INPP4A: variants seen among roughly 807,000 people sequenced by gnomAD.
INPP4A encodes the protein inositol polyphosphate-4-phosphatase, type I, 107kD.
In INPP4A, 33 loss-of-function variants were observed where a neutral mutation model predicts 119.8. That is an observed-to-expected ratio of 0.28 (90% CI 0.21 to 0.37). INPP4A has a LOEUF of 0.37. Ranked by LOEUF, INPP4A falls within the 10% of genes least tolerant of loss-of-function variation. The probability of loss-of-function intolerance (pLI) is 1.00; values close to 1 mark genes in which losing one functional copy is unlikely to be tolerated. For missense variants in INPP4A, 956 were observed against 1,289.9 expected, an observed-to-expected ratio of 0.74 and a Z score of 3.97; for synonymous variants, 496 against 500.7, an observed-to-expected ratio of 0.99 and a Z score of 0.12.
rs1284881768 is a variant in INPP4A, at chr2:98,552,629, A to C, written c.1164-157A>C. On this transcript the variant is annotated intron_variant, in intron 13 of 24. Transcript: ENST00000409851. ...ATATAGACAGGAAGAATCTCCTAAG[A>C]TATACTTTGCTCATCAACAACTAGA... 4 of 751,212 alleles carry C rather than the reference A, an allele frequency of 5.3e-6. No homozygotes were observed. The South Asian group carries it at 5.7e-5, about 11-fold the overall frequency. 46.5% of individuals were successfully genotyped at this position (751,212 alleles called of 1,614,324 possible). A position where few individuals can be genotyped will look rare whatever the true frequency, so the allele number is the denominator to read the frequency against.
intron 1 of INPP4A, among the ~76,000 whole-genome samples, chr2:98,481,101 A>G (rs780506723): frequency 3.3e-5 from 5 of 152,182 alleles, no homozygotes; most frequent in Admixed American, 2.0e-4. Flanking sequence ...TTACCTTTCA[A>G]TGCCAACACT....
chr2:98,536,038 A>G, intron 6 of INPP4A, 91 bp from the exon 7 acceptor site: 1 of 818,044 alleles, frequency 1.2e-6, no homozygotes, highest in Non-Finnish European at 2.0e-6. Flanking sequence ...GTGTTGTGGG[A>G]AGCAGTCAGC....
Position 98,462,699 on chromosome 2 carries a change from A to T in INPP4A, c.-166+17614A>T, listed in dbSNP as rs921626580. On this transcript the variant is annotated intron_variant, in intron 1 of 24. Coordinates refer to ENST00000409851, the MANE Select transcript of INPP4A (RefSeq NM_001134225.2). Reference sequence around the variant, plus strand: ...TGCCACCATGCCTGGCTAATTTTTAATTTTTTTTTGTGGGTTTGGCTATGT... The same window carrying T: ...TGCCACCATGCCTGGCTAATTTTTATTTTTTTTTTGTGGGTTTGGCTATGT... Among the ~76,000 whole-genome samples, 60 of 149,578 alleles carry T rather than the reference A, an allele frequency of 4.0e-4. 1 individual carries two copies. The highest frequency in any genetic ancestry group is 2.0e-3 in the Admixed American group (30 of 15,020).
intron 1 of INPP4A, among the ~76,000 whole-genome samples, chr2:98,504,862 G>A (rs578166749): frequency 3.3e-5 from 5 of 152,222 alleles, no homozygotes; most frequent in Non-Finnish European, 7.3e-5. Context: ...GAAATGATGT[G>A]TGTGGTGTTA....
At chr2:98,494,905 C>CT (rs1246347356) in intron 1 of INPP4A, among the ~76,000 whole-genome samples, 3 of 152,154 alleles carry the variant, frequency 2.0e-5, no homozygotes, top group African/African-American at 7.2e-5. Context: ...AGGCAGACAG[C>CT]TTAACAAAGA....
chr2:98,446,254 G>A (rs1419396219), intron 1 of INPP4A, among the ~76,000 whole-genome samples: 1 of 152,226 alleles, frequency 6.6e-6, no homozygotes, highest in Non-Finnish European at 1.5e-5. Flanking sequence ...CTAGAATTGA[G>A]CCTAATTTTT....
At chr2:98,561,003 G>A (rs1037738074) in intron 17 of INPP4A, among the ~76,000 whole-genome samples, 8 of 152,176 alleles carry the variant, frequency 5.3e-5, no homozygotes, top group African/African-American at 1.9e-4. Context: ...GGACTAAAAT[G>A]GTCCTTGCAA....
chr2:98,477,911 G>A (rs1230917040), intron 1 of INPP4A, among the ~76,000 whole-genome samples: 1 of 152,214 alleles, frequency 6.6e-6, no homozygotes, highest in Non-Finnish European at 1.5e-5. Context: ...GAGTCAGGAG[G>A]ACCACCAGCA....
At chr2:98,547,725 G>C (rs537059032) in intron 13 of INPP4A, among the ~76,000 whole-genome samples, 1 of 152,222 alleles carries the variant, frequency 6.6e-6, no homozygotes, top group South Asian at 2.1e-4. Flanking sequence ...TTAGAGCCGG[G>C]TTCTCACAGG....
At chr2:98,463,220 T>A (rs1177844043) in intron 1 of INPP4A, among the ~76,000 whole-genome samples, 1 of 152,212 alleles carries the variant, frequency 6.6e-6, no homozygotes, top group African/African-American at 2.4e-5. Flanking sequence ...TCAGGTACAT[T>A]GGCTCTGTTG....
At position 98,570,082 on chromosome 2, in the gene INPP4A, C is replaced by G. The variant is rs374576350; in HGVS notation, c.2518+1414C>G. Among the ~76,000 whole-genome samples, 9 of 152,226 alleles carry G rather than the reference C, an allele frequency of 5.9e-5. No individual in the cohort carries two copies. The highest frequency in any genetic ancestry group is 2.2e-4 in the African/African-American group (9 of 41,536). Reference sequence around the variant, plus strand: ...GCTGGGAGAGCTGACAGACCTGGCTCTGGGCAAGGACGCTGGAGTTGCCGG... The same window carrying G: ...GCTGGGAGAGCTGACAGACCTGGCTGTGGGCAAGGACGCTGGAGTTGCCGG... On this transcript the variant is annotated intron_variant, in intron 22 of 24. Coordinates refer to ENST00000409851, the MANE Select transcript of INPP4A (RefSeq NM_001134225.2). This position sits in a 1 kb window ranked among gnomAD's most constrained non-coding sequence, Gnocchi z 4.3.
intron 10 of INPP4A, 143 bp downstream of exon 10, chr2:98,539,818 C>A: frequency 3.9e-6 from 3 of 776,524 alleles, no homozygotes; most frequent in Non-Finnish European, 5.7e-6. Context: ...GTGGCCTTGG[C>A]TTGCCTAAGC....
chr2:98,593,717 C>T lies in INPP4A; in HGVS notation c.*6109C>T, dbSNP rs1004780143. On this transcript the variant is annotated 3_prime_UTR_variant, in exon 25 of 25. Coordinates refer to ENST00000409851, the MANE Select transcript of INPP4A (RefSeq NM_001134225.2). ...ATAGACGACCTTGGGATCATTTTCTCCTCCACATCCCATCAATCAGCCACT... is the reference window on the plus strand; with the variant it reads ...ATAGACGACCTTGGGATCATTTTCTTCTCCACATCCCATCAATCAGCCACT... 6.6e-6 allele frequency: 1 copy of T among 152,386 alleles called. No individual in the cohort carries two copies. Among genetic ancestry groups the T allele is most frequent in the Admixed American group, 6.5e-5 (1 of 15,274 alleles). 9.4% of individuals were successfully genotyped at this position (152,386 alleles called of 1,614,324 possible). A position where few individuals can be genotyped will look rare whatever the true frequency, so the allele number is the denominator to read the frequency against.
intron 1 of INPP4A, among the ~76,000 whole-genome samples, chr2:98,506,638 C>A (rs968693411): frequency 6.6e-6 from 1 of 152,232 alleles, no homozygotes; most frequent in African/African-American, 2.4e-5. Flanking sequence ...CTCTCTTGAC[C>A]CTCTTCTGTG....
rs35998148 is a variant in INPP4A, at chr2:98,448,046, C to CA, written c.-166+2984dup. Among the ~76,000 whole-genome samples the CA allele has an allele frequency of 7.9e-3, 501 of 63,686 alleles. 1 individual carries two copies. The highest frequency in any genetic ancestry group is 0.021 in the Middle Eastern group (2 of 94). The allele number at this position is 63,686 out of a possible 152,430, so 41.8% of individuals were successfully genotyped here. On this transcript the variant is annotated intron_variant, in intron 1 of 24. Coordinates refer to ENST00000409851, the MANE Select transcript of INPP4A (RefSeq NM_001134225.2). ...TGGAGGACAGAGTGAGACTCTGTCT[C>CA]AAAAAAAAAAAAAAAAAAAAAAATC...
intron 21 of INPP4A, among the ~76,000 whole-genome samples, chr2:98,567,749 TC>T (rs1696733213): frequency 6.6e-6 from 1 of 152,104 alleles, no homozygotes; most frequent in African/African-American, 2.4e-5. Flanking sequence ...GGAAGAGCCC[TC>T]AGAGGGGAGG....
rs1261806684 is a variant in INPP4A at position 98,555,547 on chromosome 2, T to TG, written c.1567-4dup. The TG allele has an allele frequency of 6.3e-7, 1 of 1,590,750 alleles. No individual in the cohort carries two copies. Among genetic ancestry groups the TG allele is most frequent in the East Asian group, 2.2e-5 (1 of 44,540 alleles). ...CTGACCCACATGGGCCCCTTTGATT[T>TG]GGAAGGAGAAAGTGTGGCTGAACGT... On this transcript the variant is annotated splice_polypyrimidine_tract_variant and splice_region_variant and intron_variant, in intron 15 of 24. Coordinates refer to ENST00000409851, the MANE Select transcript of INPP4A (RefSeq NM_001134225.2).
chr2:98,532,796 G>A (rs1156844145), intron 4 of INPP4A, among the ~76,000 whole-genome samples: 1 of 152,126 alleles, frequency 6.6e-6, no homozygotes, highest in East Asian at 1.9e-4. Context: ...ATTATAATCT[G>A]TGAGACCATT....
intron 1 of INPP4A, among the ~76,000 whole-genome samples, chr2:98,455,483 G>A (rs891223237): frequency 6.6e-6 from 1 of 152,162 alleles, no homozygotes; most frequent in Non-Finnish European, 1.5e-5. Flanking sequence ...GAAGGGAAGC[G>A]CTAGCAGTCT....
Sources: gnomAD v4.1 joint callset for allele counts (sites outside exome capture counted in the v4.1 genomes callset) on GRCh38, gnomAD v4.1.1 for gene constraint, Gnocchi (gnomAD v3.1) non-coding constraint, MANE v1.5 for transcripts, NCBI Gene and HGNC (gene_info 2026-07-23, HGNC 2026-07-21) for gene names.